The following SHC3 variants were observed in gnomAD, a reference collection of about 807,000 sequenced individuals.
SHC3 encodes the protein SHC-transforming protein 3.
In SHC3, 15 loss-of-function variants were observed where a neutral mutation model predicts 60.4. The ratio of observed to expected loss-of-function variants is 0.25; its 90% CI spans 0.17 to 0.38. The LOEUF is 0.38. SHC3 is among the 10% of genes least tolerant of loss of function. SHC3 has a pLI of 1.00. For missense variants in SHC3, 677 were observed against 786.1 expected (o/e 0.86, Z 1.66); for synonymous variants, 294 against 325.9 (o/e 0.90, Z 1.05).
At chr9:89,108,077 G>A (rs771801432) in intron 2 of SHC3, among the ~76,000 whole-genome samples, 6 of 152,144 alleles carry the variant, frequency 3.9e-5, no homozygotes, top group East Asian at 1.9e-4. Flanking sequence ...AATTTGGTAC[G>A]TCACACATGC....
At chr9:89,155,844 C>T (rs567425720) in intron 1 of SHC3, among the ~76,000 whole-genome samples, 1 of 152,284 alleles carries the variant, frequency 6.6e-6, no homozygotes, top group Non-Finnish European at 1.5e-5. Context: ...GAAATTCATG[C>T]CACCCCATCT....
At chr9:89,062,407 C>T (rs1408753386) in intron 6 of SHC3, among the ~76,000 whole-genome samples, 2 of 152,148 alleles carry the variant, frequency 1.3e-5, no homozygotes, top group Admixed American at 1.3e-4. Context: ...TGGTTACCAT[C>T]CAACTTAATG....
intron 4 of SHC3, 32 bp from the exon 5 acceptor site, chr9:89,071,284 C>CT: frequency 2.5e-6 from 4 of 1,612,006 alleles, no homozygotes; most frequent in Non-Finnish European, 3.4e-6. Context: ...ACGAGATGTG[C>CT]TGTTATCGCC....
intron 2 of SHC3, among the ~76,000 whole-genome samples, chr9:89,081,401 G>A (rs1189831543): frequency 6.6e-6 from 1 of 152,106 alleles, no homozygotes; most frequent in Non-Finnish European, 1.5e-5. Context: ...AAATATTGAA[G>A]CTTTACAGTC....
chr9:89,119,978 A>C (rs1004665731), intron 1 of SHC3, among the ~76,000 whole-genome samples: 1 of 152,192 alleles, frequency 6.6e-6, no homozygotes, highest in African/African-American at 2.4e-5. Context: ...ATTAGCTAGT[A>C]CATTAAGAAG....
At chr9:89,020,430 T>C (rs142104241) in intron 11 of SHC3, among the ~76,000 whole-genome samples, 334 of 152,182 alleles carry the variant, frequency 2.2e-3, no homozygotes, top group African/African-American at 7.4e-3. Flanking sequence ...TGACTTGTCA[T>C]ATTCATCCTT....
intron 5 of SHC3, among the ~76,000 whole-genome samples, chr9:89,069,231 C>T (rs1362054645): frequency 6.6e-6 from 1 of 152,150 alleles, no homozygotes; most frequent in African/African-American, 2.4e-5. Context: ...ATCACTTAAA[C>T]CTGGGAGGTC....
intron 2 of SHC3, among the ~76,000 whole-genome samples, chr9:89,106,015 T>C (rs1369225894): frequency 1.3e-5 from 2 of 152,204 alleles, no homozygotes; most frequent in African/African-American, 4.8e-5. Flanking sequence ...ATCCACTATG[T>C]GCCAGGTGCA....
chr9:89,165,260 T>TTGTGTGTGTGTG (rs10626309), intron 1 of SHC3, among the ~76,000 whole-genome samples: 5,411 of 148,592 alleles, frequency 0.036, 230 homozygotes, highest in African/African-American at 0.11. Context: ...AAAGACGTGT[T>TTGTGTGTGTGTG]TGTGTGTGTG....
intron 2 of SHC3, among the ~76,000 whole-genome samples, chr9:89,100,210 T>C (rs1376573896): frequency 6.6e-6 from 1 of 152,192 alleles, no homozygotes; most frequent in Non-Finnish European, 1.5e-5. Context: ...TATTTTAACA[T>C]TTCTGAAATC....
intron 7 of SHC3, among the ~76,000 whole-genome samples, chr9:89,047,439 T>C (rs1824792363): frequency 6.6e-6 from 1 of 152,186 alleles, no homozygotes; most frequent in East Asian, 1.9e-4. Flanking sequence ...TCAAAGGACA[T>C]TATCAAGAAA....
chr9:89,109,380 T>C, intron 2 of SHC3: 1 of 977,022 alleles, frequency 1.0e-6, no homozygotes, highest in Non-Finnish European at 1.2e-6. Flanking sequence ...CCCAGGCTCA[T>C]GCACACAGAA....
intron 1 of SHC3, among the ~76,000 whole-genome samples, chr9:89,120,969 CAT>C (rs1472009629): frequency 3.3e-5 from 5 of 151,490 alleles, no homozygotes; most frequent in Admixed American, 6.5e-5. Context: ...ATTTGAGAAA[CAT>C]ATAAAAACCA....
At chr9:89,059,084 A>ATGGAGGATGGTGG (rs1018138873) in intron 6 of SHC3, among the ~76,000 whole-genome samples, 1 of 83,156 alleles carries the variant, frequency 1.2e-5, no homozygotes, top group Non-Finnish European at 2.4e-5. Flanking sequence ...AAAGGACGTG[A>ATGGAGGATGGTGG]TGGAGGATGG....
At chr9:89,117,504 T>C (rs1217461583) in intron 1 of SHC3, among the ~76,000 whole-genome samples, 2 of 152,230 alleles carry the variant, frequency 1.3e-5, no homozygotes, top group Non-Finnish European at 2.9e-5. Context: ...CTTTTTCTTT[T>C]AGATTAATTG....
intron 1 of SHC3, among the ~76,000 whole-genome samples, chr9:89,133,168 C>T (rs1283924761): frequency 6.6e-6 from 1 of 152,194 alleles, no homozygotes. Context: ...AAATGCTCAT[C>T]ATCACTGGCC....
At chr9:89,065,418 T>C in intron 6 of SHC3, 111 bp downstream of exon 6, 1 of 1,114,344 alleles carries the variant, frequency 9.0e-7, no homozygotes, top group Non-Finnish European at 1.4e-6. Flanking sequence ...TAATACAAGA[T>C]GGCACTACTC....
chr9:89,105,137 T>C (rs1825839323), intron 2 of SHC3, among the ~76,000 whole-genome samples: 1 of 152,164 alleles, frequency 6.6e-6, no homozygotes, highest in Non-Finnish European at 1.5e-5. Flanking sequence ...CACACCACAG[T>C]GGTCAGCAAA....
intron 1 of SHC3, among the ~76,000 whole-genome samples, chr9:89,166,798 G>A (rs182996024): frequency 2.0e-3 from 301 of 152,234 alleles, no homozygotes; most frequent in Non-Finnish European, 3.2e-3. Context: ...ATTTAGCGGG[G>A]AACAGACCTC....
Sources: gnomAD v4.1 joint callset for allele counts (sites outside exome capture counted in the v4.1 genomes callset) on GRCh38, gnomAD v4.1.1 for gene constraint, MANE v1.5 for transcripts, NCBI Gene and HGNC (gene_info 2026-07-23, HGNC 2026-07-21) for gene names.